The following CYRIB variants were observed in gnomAD, a reference collection of about 807,000 sequenced individuals.
CYRIB encodes the protein CYFIP related Rac1 interactor B.
A neutral mutation model predicts 44.2 loss-of-function variants in CYRIB; 8 were observed. That is an observed-to-expected ratio of 0.18 (90% CI 0.11 to 0.33). The LOEUF (loss-of-function observed/expected upper bound fraction) is 0.33, where lower values mean the gene tolerates loss of function less well. Among genes scored for constraint, CYRIB ranks in the 10% least tolerant of loss-of-function variants. The pLI is 1.00. For missense variants in CYRIB, 185 were observed against 382.8 expected (o/e 0.48, Z 4.31); for synonymous variants, 131 against 127.2 (o/e 1.03, Z -0.20).
chr8:129,919,902 GT>G, intron 1 of CYRIB, among the ~76,000 whole-genome samples: 1 of 152,132 alleles, frequency 6.6e-6, no homozygotes, highest in South Asian at 2.1e-4. Flanking sequence ...AGAACACCGG[GT>G]AAGATTTTTC....
At chr8:129,937,766 A>C (rs1262063086) in intron 1 of CYRIB, among the ~76,000 whole-genome samples, 1 of 152,226 alleles carries the variant, frequency 6.6e-6, no homozygotes, top group Non-Finnish European at 1.5e-5. Context: ...TTCATACTAT[A>C]TATCCTAGAA....
chr8:129,960,373 T>A lies in CYRIB; in HGVS notation c.-243+10570A>T, dbSNP rs1206206753. 3.9e-5 allele frequency among the ~76,000 whole-genome samples: 6 copies of A among 152,148 alleles called. No individual in the cohort carries two copies. The East Asian group carries it at 7.7e-4, about 20-fold the overall frequency. On this transcript the variant is annotated intron_variant, in intron 2 of 14. Coordinates refer to the CYRIB transcript ENST00000401979. ...ACTTTGGGAGGCCAAGGTGGGTGGA[T>A]CACCTGAGGTCAGGAGTTTGAGACC...
intron 1 of CYRIB, among the ~76,000 whole-genome samples, chr8:129,921,952 G>T (rs958599361): frequency 6.6e-6 from 1 of 152,130 alleles, no homozygotes; most frequent in African/African-American, 2.4e-5. Context: ...GATGGATACA[G>T]AAGTATGGAG....
upstream of CYRIB, among the ~76,000 whole-genome samples, chr8:129,943,022 T>C (rs1024153857): frequency 3.3e-5 from 5 of 152,126 alleles, 1 homozygote; most frequent in Admixed American, 3.3e-4. Flanking sequence ...TAAAACCCTA[T>C]AGAGAATAAA....
At chr8:129,966,220 C>T (rs1300768305) in intron 2 of CYRIB, among the ~76,000 whole-genome samples, 1 of 152,182 alleles carries the variant, frequency 6.6e-6, no homozygotes, top group Non-Finnish European at 1.5e-5. Context: ...AGCAATGCTG[C>T]AATGAGTATA....
At chr8:129,845,045 G>T (rs572164832) in intron 11 of CYRIB, among the ~76,000 whole-genome samples, 1 of 152,056 alleles carries the variant, frequency 6.6e-6, no homozygotes, top group Non-Finnish European at 1.5e-5. Flanking sequence ...TCTTGCCTCC[G>T]TGGTGCTTTC....
intron 2 of CYRIB, among the ~76,000 whole-genome samples, chr8:129,968,912 C>A (rs1000642035): frequency 6.6e-6 from 1 of 151,776 alleles, no homozygotes; most frequent in African/African-American, 2.4e-5. Flanking sequence ...AGCCACCGTG[C>A]CATTAAAACT....
intron 1 of CYRIB, among the ~76,000 whole-genome samples, chr8:129,980,825 T>G (rs2096203332): frequency 6.8e-6 from 1 of 147,528 alleles, no homozygotes. Context: ...CCACCAAAAA[T>G]ACAAAAAAAT....
intron 2 of CYRIB, among the ~76,000 whole-genome samples, chr8:129,951,022 T>C (rs1010402026): frequency 6.6e-6 from 1 of 152,196 alleles, no homozygotes; most frequent in Admixed American, 6.6e-5. Flanking sequence ...TACATAGTCC[T>C]GGCCAGACAG....
chr8:129,957,648 T>C (rs983424958), intron 2 of CYRIB, among the ~76,000 whole-genome samples: 3 of 151,990 alleles, frequency 2.0e-5, no homozygotes, highest in Admixed American at 6.6e-5. Context: ...CTGGCCAACA[T>C]GGTGAAACCC....
chr8:129,991,427 T>G (rs2096631075), intron 1 of CYRIB, among the ~76,000 whole-genome samples: 3 of 152,034 alleles, frequency 2.0e-5, no homozygotes, highest in Admixed American at 2.0e-4. Flanking sequence ...AATCCATTCA[T>G]GGATTATGGG....
intron 3 of CYRIB, among the ~76,000 whole-genome samples, chr8:129,876,974 T>C (rs150078234): frequency 3.3e-5 from 5 of 152,326 alleles, no homozygotes; most frequent in African/African-American, 7.2e-5. Flanking sequence ...TAAAGCAGTA[T>C]AAAACGGTTT....
rs193198282 is a variant in CYRIB, at chr8:129,907,551, C to A, written c.-49-4201G>T. Reference sequence around the variant, plus strand: ...GGCACATGTATATGTATGTAACAAACCTGCACATTGTGCACATGTACCCTA... The same window carrying A: ...GGCACATGTATATGTATGTAACAAAACTGCACATTGTGCACATGTACCCTA... On this transcript the variant is annotated intron_variant, in intron 1 of 11. Transcript: ENST00000519824. Among the ~76,000 whole-genome samples the A allele has an allele frequency of 2.0e-5, 3 of 152,088 alleles. No homozygotes were observed. In the East Asian group the frequency reaches 5.8e-4, roughly 29 times the overall value.
chr8:129,953,257 G>A (rs991935023), intron 2 of CYRIB, among the ~76,000 whole-genome samples: 1 of 152,192 alleles, frequency 6.6e-6, no homozygotes, highest in Non-Finnish European at 1.5e-5. Context: ...GCTTGGGAAG[G>A]TCAGGGGAGG....
upstream of CYRIB, among the ~76,000 whole-genome samples, chr8:129,942,477 C>G (rs992658413): frequency 6.6e-6 from 1 of 152,182 alleles, no homozygotes. Flanking sequence ...TCCATTACCC[C>G]ACATGGGAAT....
intron 1 of CYRIB, among the ~76,000 whole-genome samples, chr8:129,927,919 A>G (rs2088862713): frequency 6.6e-6 from 1 of 152,202 alleles, no homozygotes; most frequent in African/African-American, 2.4e-5. Flanking sequence ...CTTTTCAAAA[A>G]TGGTTCGGAG....
intron 6 of CYRIB, 69 bp from the exon 9 acceptor site, chr8:129,854,412 A>G: frequency 1.7e-6 from 2 of 1,149,328 alleles, no homozygotes; most frequent in South Asian, 2.7e-5. Context: ...TAAGTAAAAA[A>G]TCTTTAGTTT....
At chr8:129,992,173 T>G (rs2096655967) in intron 1 of CYRIB, among the ~76,000 whole-genome samples, 1 of 150,858 alleles carries the variant, frequency 6.6e-6, no homozygotes, top group Admixed American at 6.6e-5. Context: ...ATAGAAAAAT[T>G]GGATAGGTGT....
intron 1 of CYRIB, among the ~76,000 whole-genome samples, chr8:129,973,491 T>C (rs2095797496): frequency 1.3e-5 from 2 of 152,326 alleles, no homozygotes; most frequent in African/African-American, 4.8e-5. Context: ...AGGCAGATTC[T>C]ATCATCTTCT....
Sources: gnomAD v4.1 joint callset for allele counts (sites outside exome capture counted in the v4.1 genomes callset) on GRCh38, gnomAD v4.1.1 for gene constraint, MANE v1.5 for transcripts, NCBI Gene and HGNC (gene_info 2026-07-23, HGNC 2026-07-21) for gene names.